The following WDTC1 variants were observed in gnomAD, a reference collection of about 807,000 sequenced individuals.
WDTC1 encodes WD and tetratricopeptide repeats protein 1.
WDTC1 carries 12 observed loss-of-function variants against 76.0 expected under a neutral mutation model. That is an observed-to-expected ratio of 0.16 (90% CI 0.10 to 0.26). The LOEUF is 0.26. Ranked by LOEUF, WDTC1 falls within the 10% of genes least tolerant of loss-of-function variation. WDTC1 has a pLI of 1.00. For synonymous variants in WDTC1, 326 were observed against 350.8 expected (o/e 0.93, Z 0.79); for missense variants, 511 against 908.8 (o/e 0.56, Z 5.63).
chr1:27,261,114 A>G lies in WDTC1; in HGVS notation c.48+12A>G. 6.2e-7 allele frequency: 1 copy of G among 1,614,034 alleles called. No individual in the cohort carries two copies. Among genetic ancestry groups the G allele is most frequent in the East Asian group, 2.2e-5 (1 of 44,890 alleles). ...GTAGGCAGATCAAGGTAAGCAGCCC[A>G]GACTTCTGCACCAGATCATGAGATC... On this transcript the variant is annotated intron_variant, in intron 2 of 15. Transcript: ENST00000319394.
chr1:27,242,542 T>C (rs2011662084), intron 1 of WDTC1, among the ~76,000 whole-genome samples: 1 of 151,840 alleles, frequency 6.6e-6, no homozygotes, highest in Non-Finnish European at 1.5e-5. Context: ...CAATCTCGGC[T>C]CACTGCAACC....
At chr1:27,299,127 G>T (rs970165853) in intron 12 of WDTC1, among the ~76,000 whole-genome samples, 1 of 152,028 alleles carries the variant, frequency 6.6e-6, no homozygotes, top group African/African-American at 2.4e-5. Context: ...CAGGCTGTAG[G>T]CTAAGAGCTC....
Position 27,282,602 on chromosome 1 carries a change from A to T in WDTC1, c.179+317A>T, listed in dbSNP as rs114033321. On this transcript the variant is annotated intron_variant, in intron 4 of 15. Transcript: ENST00000319394. The stretch of plus-strand genomic sequence containing the variant: ...ACTGCAACCTCCGCCTTTCAGGTTC[A>T]AGCGGTTCTCCTTAATCAGCCTCCC... Among the ~76,000 whole-genome samples the T allele has an allele frequency of 1.6e-3, 241 of 152,122 alleles. 2 individuals are homozygous for T. The highest frequency in any genetic ancestry group is 5.4e-3 in the African/African-American group (226 of 41,554).
At chr1:27,248,553 G>T (rs2011927362) in intron 1 of WDTC1, among the ~76,000 whole-genome samples, 1 of 150,956 alleles carries the variant, frequency 6.6e-6, no homozygotes. Flanking sequence ...TTAGACCTTT[G>T]TCAGATGCAT....
At chr1:27,273,206 C>CTTTTT (rs57130485) in intron 3 of WDTC1, among the ~76,000 whole-genome samples, 159 of 103,630 alleles carry the variant, frequency 1.5e-3, no homozygotes, top group African/African-American at 3.6e-3. Flanking sequence ...TTTTTCTTTT[C>CTTTTT]TTTTTTTTTT....
chr1:27,287,263 A>C (rs2013366897), intron 5 of WDTC1, among the ~76,000 whole-genome samples: 1 of 152,318 alleles, frequency 6.6e-6, no homozygotes, highest in Admixed American at 6.5e-5. Context: ...CTAGGTTACT[A>C]AGTAGTCATA....
intron 1 of WDTC1, among the ~76,000 whole-genome samples, chr1:27,238,804 A>T (rs1056673010): frequency 5.9e-5 from 9 of 151,944 alleles, no homozygotes; most frequent in African/African-American, 2.2e-4. Flanking sequence ...ACCTCAGGTG[A>T]TCCGCCCGCC....
chr1:27,274,623 T>A lies in WDTC1; in HGVS notation c.133-7616T>A, dbSNP rs1370327733. Among the ~76,000 whole-genome samples the A allele has an allele frequency of 6.6e-6, 1 of 152,230 alleles. No homozygotes were observed. Among genetic ancestry groups the A allele is most frequent in the African/African-American group, 2.4e-5 (1 of 41,470 alleles). Reference sequence around the variant, plus strand: ...AGACCCAATCAGTTTTCCACTTTCCTTGGACATTTTTGCTGAGCATTCCAC... The same window carrying A: ...AGACCCAATCAGTTTTCCACTTTCCATGGACATTTTTGCTGAGCATTCCAC... On this transcript the variant is annotated intron_variant, in intron 3 of 15. Coordinates refer to ENST00000319394, the MANE Select transcript of WDTC1 (RefSeq NM_001276252.2). This position sits in a 1 kb window ranked among gnomAD's most constrained non-coding sequence, Gnocchi z 4.2.
chr1:27,295,551 T>G (rs1013789520), intron 9 of WDTC1, among the ~76,000 whole-genome samples: 1 of 151,978 alleles, frequency 6.6e-6, no homozygotes, highest in Middle Eastern at 3.2e-3. Context: ...CTCTGCCTCC[T>G]GGATTTAAGC....
chr1:27,235,370 C>G (rs2011472581), intron 1 of WDTC1, among the ~76,000 whole-genome samples: 1 of 150,630 alleles, frequency 6.6e-6, no homozygotes, highest in South Asian at 2.1e-4. Flanking sequence ...CGCTCTCTCT[C>G]TTTCTGTTTT....
intron 1 of WDTC1, among the ~76,000 whole-genome samples, chr1:27,251,622 A>C (rs2012065911): frequency 6.6e-6 from 1 of 152,092 alleles, no homozygotes; most frequent in Non-Finnish European, 1.5e-5. Context: ...CCAGGCAGTC[A>C]AGACCAACCT....
At chr1:27,234,498 G>A (rs1376353339), upstream of WDTC1, 1 of 338,650 alleles carries the variant, frequency 3.0e-6, no homozygotes, top group Non-Finnish European at 5.3e-6. Context: ...AGCAGACGTT[G>A]ACCGGGCGCG....
Position 27,301,515 on chromosome 1 carries a change from A to C in WDTC1, c.1468+54A>C. ...TTACTCTTTCTCTTTGAGATGCTGC[A>C]TGACATTCTGGAGAGGTCATGGTTC... On this transcript the variant is annotated intron_variant, in intron 13 of 15. Coordinates refer to ENST00000319394, the MANE Select transcript of WDTC1 (RefSeq NM_001276252.2). The surrounding 1 kb of genome is among the most constrained non-coding windows in gnomAD (Gnocchi z 5.8). 6.3e-7 allele frequency: 1 copy of C among 1,579,732 alleles called. No homozygotes were observed. Among genetic ancestry groups the C allele is most frequent in the Non-Finnish European group, 8.6e-7 (1 of 1,161,694 alleles).
At position 27,297,077 on chromosome 1, in the gene WDTC1, G is replaced by T; in HGVS notation, c.979G>T (p.Gly327Cys). 1 of 1,613,986 alleles carries T rather than the reference G, an allele frequency of 6.2e-7. No individual in the cohort carries two copies. Among genetic ancestry groups the T allele is most frequent in the Non-Finnish European group, 8.5e-7 (1 of 1,179,942 alleles). The change falls in exon 11 of 16, where the codon GGT becomes TGT. Residue 327 changes from glycine (G) to cysteine (C), a missense_variant. Gly to Cys is a radical substitution (Grantham distance 159). Transcript: ENST00000319394. ...CCAGAATGGCAAGATGTCCACCAAC[G>T]GTGTGTCCAACGGTGTGTCCAATGG... ...EVQNGKMSTNGVSNGVSNGLH... is the reference protein window; with the variant it reads ...EVQNGKMSTNCVSNGVSNGLH...
chr1:27,298,883 G>A (rs1433724597), intron 12 of WDTC1, among the ~76,000 whole-genome samples: 1 of 152,186 alleles, frequency 6.6e-6, no homozygotes, highest in Non-Finnish European at 1.5e-5. Flanking sequence ...CCATCGTCTG[G>A]CTGCAACTCG....
At chr1:27,252,698 A>G (rs2012115483) in intron 1 of WDTC1, among the ~76,000 whole-genome samples, 1 of 151,712 alleles carries the variant, frequency 6.6e-6, no homozygotes, top group African/African-American at 2.4e-5. Flanking sequence ...CTCCGGAGGC[A>G]GAGGCATGAG....
At chr1:27,258,153 C>G (rs1057305483) in intron 1 of WDTC1, among the ~76,000 whole-genome samples, 1 of 151,358 alleles carries the variant, frequency 6.6e-6, no homozygotes, top group Non-Finnish European at 1.5e-5. Context: ...AATCCCAGCA[C>G]TTTGGGAGGC....
intron 1 of WDTC1, among the ~76,000 whole-genome samples, chr1:27,248,277 A>G (rs936038542): frequency 6.6e-6 from 1 of 152,206 alleles, no homozygotes; most frequent in Admixed American, 6.6e-5. Flanking sequence ...TAACAGTGTA[A>G]AAGTGTTGCC....
At chr1:27,235,748 T>C (rs2011480889) in intron 1 of WDTC1, among the ~76,000 whole-genome samples, 1 of 152,056 alleles carries the variant, frequency 6.6e-6, no homozygotes, top group African/African-American at 2.4e-5. Context: ...TACAGGGGCC[T>C]GTAACTAATG....
Sources: gnomAD v4.1 joint callset for allele counts (sites outside exome capture counted in the v4.1 genomes callset) on GRCh38, gnomAD v4.1.1 for gene constraint, Gnocchi (gnomAD v3.1) non-coding constraint, MANE v1.5 for transcripts, NCBI Gene and HGNC (gene_info 2026-07-23, HGNC 2026-07-21) for gene names.